Variants in EXOC4 observed in about 807,000 individuals in gnomAD.
The protein encoded by EXOC4 is SEC8-like 1.
Under a neutral mutation model 107.2 loss-of-function variants are expected in EXOC4, and 71 were observed. The ratio of observed to expected loss-of-function variants is 0.66; its 90% CI spans 0.55 to 0.81. The LOEUF is 0.81. Ranked by LOEUF, EXOC4 falls within the 30% of genes least tolerant of loss-of-function variation. EXOC4 has a pLI of 0.00. For missense variants in EXOC4, 1,108 were observed against 1,189.6 expected (o/e 0.93, Z 1.01); for synonymous variants, 456 against 441.2 (o/e 1.03, Z -0.42).
At chr7:133,505,674 A>G (rs1159633104) in intron 9 of EXOC4, among the ~76,000 whole-genome samples, 1 of 152,106 alleles carries the variant, frequency 6.6e-6, no homozygotes, top group African/African-American at 2.4e-5. Context: ...ATTTACTACT[A>G]TTTTAGATCA....
At chr7:133,318,384 G>T (rs1455421476) in intron 5 of EXOC4, among the ~76,000 whole-genome samples, 1 of 152,208 alleles carries the variant, frequency 6.6e-6, no homozygotes, top group Non-Finnish European at 1.5e-5. Context: ...TGGGCTTGGA[G>T]AGCTTCTGGG....
chr7:133,972,691 A>C (rs1329549145), intron 14 of EXOC4, among the ~76,000 whole-genome samples: 1 of 152,212 alleles, frequency 6.6e-6, no homozygotes, highest in Non-Finnish European at 1.5e-5. Context: ...AAACCCCAGA[A>C]ATTTTCACTG....
intron 11 of EXOC4, among the ~76,000 whole-genome samples, chr7:133,873,741 A>G (rs1333230869): frequency 6.6e-6 from 1 of 152,180 alleles, no homozygotes; most frequent in Non-Finnish European, 1.5e-5. Context: ...AAAGTTTGAA[A>G]ACTATCGTAC....
chr7:133,451,744 G>A (rs1405138656), intron 7 of EXOC4, among the ~76,000 whole-genome samples: 1 of 152,108 alleles, frequency 6.6e-6, no homozygotes, highest in Non-Finnish European at 1.5e-5. Context: ...GGAACACGAT[G>A]AAATGGATTC....
intron 6 of EXOC4, among the ~76,000 whole-genome samples, chr7:133,364,223 T>C (rs559079450): frequency 1.2e-3 from 177 of 151,934 alleles, no homozygotes; most frequent in African/African-American, 4.3e-3. Context: ...TGACCCCCCC[T>C]GGGCTCAAGA....
intron 14 of EXOC4, among the ~76,000 whole-genome samples, chr7:133,971,917 AC>A (rs1290242509): frequency 6.6e-6 from 1 of 152,220 alleles, no homozygotes; most frequent in East Asian, 1.9e-4. Context: ...TTTCAGAGCT[AC>A]ATGGGGCATC....
chr7:133,919,352 TTGA>T (rs1420228668), intron 13 of EXOC4, among the ~76,000 whole-genome samples: 1 of 152,208 alleles, frequency 6.6e-6, no homozygotes, highest in East Asian at 1.9e-4. Flanking sequence ...TTTGTTATAA[TTGA>T]TGAGCTAATA....
At chr7:133,578,332 T>C (rs939717470) in intron 9 of EXOC4, among the ~76,000 whole-genome samples, 2 of 152,242 alleles carry the variant, frequency 1.3e-5, no homozygotes, top group South Asian at 2.1e-4. Context: ...TTGAGTGTAG[T>C]TCCCAGATGG....
chr7:133,999,585 G>A (rs961689051), intron 15 of EXOC4, among the ~76,000 whole-genome samples: 1 of 152,074 alleles, frequency 6.6e-6, no homozygotes, highest in Non-Finnish European at 1.5e-5. Context: ...GAGAAATCAG[G>A]TGTTTTCTAT....
intron 5 of EXOC4, among the ~76,000 whole-genome samples, chr7:133,323,131 T>A (rs934483866): frequency 6.6e-6 from 1 of 152,188 alleles, no homozygotes; most frequent in Non-Finnish European, 1.5e-5. Context: ...TGGGGTTTTC[T>A]AAATATACAA....
intron 9 of EXOC4, among the ~76,000 whole-genome samples, chr7:133,605,344 A>G (rs1801915576): frequency 2.0e-5 from 3 of 152,074 alleles, no homozygotes; most frequent in Non-Finnish European, 2.9e-5. Context: ...TATCACTACT[A>G]TCTATTTCTA....
rs1246570670 is a variant in EXOC4 at position 133,897,600 on chromosome 7, G to A, written c.1871+1865G>A. Among the ~76,000 whole-genome samples, 3 of 151,992 alleles carry A rather than the reference G, an allele frequency of 2.0e-5. No homozygotes were observed. The East Asian group carries it at 5.8e-4, about 29-fold the overall frequency. On this transcript the variant is annotated intron_variant, in intron 12 of 17. Coordinates refer to ENST00000253861, the MANE Select transcript of EXOC4 (RefSeq NM_021807.4). Reference sequence around the variant, plus strand: ...GAAATAATAATTCAAAGAGAAAAAGGAAAAGCAAAACATATCCAGCTGTTA... The same window carrying A: ...GAAATAATAATTCAAAGAGAAAAAGAAAAAGCAAAACATATCCAGCTGTTA...
At chr7:133,384,774 T>C (rs1796690863) in intron 7 of EXOC4, among the ~76,000 whole-genome samples, 1 of 149,774 alleles carries the variant, frequency 6.7e-6, no homozygotes, top group Non-Finnish European at 1.5e-5. Flanking sequence ...AAGCAATGAG[T>C]ATGTCTGAAT....
intron 9 of EXOC4, among the ~76,000 whole-genome samples, chr7:133,515,448 T>TTACATA (rs533170938): frequency 1.2e-3 from 190 of 152,162 alleles, no homozygotes; most frequent in Non-Finnish European, 1.1e-3. Context: ...CGTGTGTATT[T>TTACATA]TACATATACA....
At chr7:133,763,609 A>T (rs1478609224) in intron 10 of EXOC4, among the ~76,000 whole-genome samples, 1 of 152,006 alleles carries the variant, frequency 6.6e-6, no homozygotes, top group Admixed American at 6.6e-5. Context: ...GCACTTAGTA[A>T]ATGTTAGCAG....
chr7:133,484,040 G>C lies in EXOC4; in HGVS notation c.1417+3902G>C, dbSNP rs1345558474. On this transcript the variant is annotated intron_variant, in intron 9 of 17. Transcript: ENST00000253861. ...ACGTCAACTTTTCCTTCCGTTGCAG[G>C]GTAGCGGCGAAGAAATCCACCAGAA... 7 of 1,613,690 alleles carry C rather than the reference G, an allele frequency of 4.3e-6. No homozygotes were observed. The East Asian group carries it at 6.7e-5, about 15-fold the overall frequency.
At chr7:133,739,511 C>T (rs1795518628) in intron 10 of EXOC4, among the ~76,000 whole-genome samples, 1 of 152,126 alleles carries the variant, frequency 6.6e-6, no homozygotes, top group South Asian at 2.1e-4. Flanking sequence ...GTAGGAGAAG[C>T]ATCATGGAGC....
intron 7 of EXOC4, among the ~76,000 whole-genome samples, chr7:133,455,192 G>A (rs192303000): frequency 1.3e-5 from 2 of 152,268 alleles, no homozygotes; most frequent in African/African-American, 2.4e-5. Flanking sequence ...TGTAGTGAAA[G>A]TTATGTGAGT....
intron 13 of EXOC4, among the ~76,000 whole-genome samples, chr7:133,918,376 A>T (rs1343817942): frequency 6.6e-6 from 1 of 152,128 alleles, no homozygotes; most frequent in African/African-American, 2.4e-5. Context: ...TAGCCCCCAT[A>T]TGGGCCATAC....
Sources: gnomAD v4.1 joint callset for allele counts (sites outside exome capture counted in the v4.1 genomes callset) on GRCh38, gnomAD v4.1.1 for gene constraint, MANE v1.5 for transcripts, NCBI Gene and HGNC (gene_info 2026-07-23, HGNC 2026-07-21) for gene names.